GGA2: variants seen among roughly 807,000 people sequenced by gnomAD.
GGA2 encodes golgi associated, gamma adaptin ear containing, ARF binding protein 2, also known as ADP-ribosylation factor-binding protein GGA2.
GGA2 carries 48 observed loss-of-function variants against 79.5 expected under a neutral mutation model. The observed-to-expected ratio is 0.60, with a 90% CI of 0.48 to 0.77. The LOEUF is 0.77. Among genes scored for constraint, GGA2 ranks in the 30% least tolerant of loss-of-function variants. GGA2 has a pLI of 0.00. For missense variants in GGA2, 770 were observed against 774.0 expected (o/e 0.99, Z 0.06); for synonymous variants, 317 against 302.0 (o/e 1.05, Z -0.51).
intron 2 of GGA2, among the ~76,000 whole-genome samples, chr16:23,518,053 C>T (rs991096831): frequency 1.3e-5 from 2 of 152,054 alleles, no homozygotes; most frequent in Admixed American, 1.3e-4. Flanking sequence ...GCTGGGATTA[C>T]AGGTGCGCAC....
chr16:23,513,793 AAAAAAAAGAAAG>A (rs1567373527), upstream of GGA2, among the ~76,000 whole-genome samples: 2 of 41,324 alleles, frequency 4.8e-5, no homozygotes, highest in African/African-American at 1.3e-4. Flanking sequence ...CAAAAAAAAA[AAAAAAAAGAAAG>A]AAAAAAAGAA....
At chr16:23,478,154 G>A (rs1964598310) in intron 13 of GGA2, among the ~76,000 whole-genome samples, 1 of 148,530 alleles carries the variant, frequency 6.7e-6, no homozygotes, top group African/African-American at 2.5e-5. Context: ...AGCCGAGATT[G>A]TGCCACTGCA....
upstream of GGA2, among the ~76,000 whole-genome samples, chr16:23,511,753 T>C (rs1012765934): frequency 1.3e-5 from 2 of 152,178 alleles, no homozygotes; most frequent in African/African-American, 2.4e-5. Flanking sequence ...AATTATGAAA[T>C]GAATACGTGT....
chr16:23,502,011 T>C (rs1242512733), intron 1 of GGA2, among the ~76,000 whole-genome samples: 7 of 152,172 alleles, frequency 4.6e-5, no homozygotes, highest in Non-Finnish European at 8.8e-5. Context: ...GTGCCAGTGA[T>C]GTCCACAGTC....
rs1567365721 is a variant in GGA2 at position 23,491,695 on chromosome 16, G to A, written c.457C>T (p.Gln153Ter). ...PEDIKIRDAY[Q>*]MLKKQGIIKQ... Reference sequence around the variant, plus strand: ...GTCAGACCTTGTTTCTTCAGCATCTGATAAGCGTCTCGAATCTTGATGTCT... The same window carrying A: ...GTCAGACCTTGTTTCTTCAGCATCTAATAAGCGTCTCGAATCTTGATGTCT... Residue 153 changes from glutamine to a stop codon, truncating the protein, a stop_gained, in exon 5 of 17, where the codon CAG becomes TAG. Coordinates refer to ENST00000309859, the MANE Select transcript of GGA2 (RefSeq NM_015044.4). LOFTEE classifies it high-confidence loss of function. 5 of 1,612,830 alleles carry A rather than the reference G, an allele frequency of 3.1e-6. No homozygotes were observed. The highest frequency in any genetic ancestry group is 4.2e-6 in the Non-Finnish European group (5 of 1,178,916).
rs894103847 is a variant in GGA2, at chr16:23,466,189, G to A, written c.*1401C>T. 3.9e-5 allele frequency: 6 copies of A among 152,106 alleles called. No homozygotes were observed. Among genetic ancestry groups the A allele is most frequent in the Admixed American group, 2.6e-4 (4 of 15,258 alleles). 9.4% of individuals were successfully genotyped at this position (152,106 alleles called of 1,614,324 possible). On this transcript the variant is annotated 3_prime_UTR_variant, in exon 17 of 17. Transcript: ENST00000309859. ...AAAATATCAGATATTGTAATTAAGA[G>A]CTCCAAACAAGTCTTGCAGTTTCAA...
intron 1 of GGA2, among the ~76,000 whole-genome samples, chr16:23,496,302 CAAAAAAAAAAA>C (rs754859869): frequency 8.4e-5 from 3 of 35,868 alleles, no homozygotes; most frequent in African/African-American, 3.1e-4. Context: ...GACTCTGTCT[CAAAAAAAAAAA>C]AAAAAAAAAA....
chr16:23,493,535 G>T, intron 3 of GGA2, 77 bp from the exon 4 acceptor site: 1 of 917,834 alleles, frequency 1.1e-6, no homozygotes, highest in Non-Finnish European at 1.8e-6. Flanking sequence ...GTAATCACTT[G>T]CTGGAGACTG....
chr16:23,500,457 G>A (rs970820013), intron 1 of GGA2, among the ~76,000 whole-genome samples: 5 of 152,174 alleles, frequency 3.3e-5, no homozygotes, highest in African/African-American at 1.2e-4. Context: ...AGAGGTGCAG[G>A]CCAAGGCAGA....
At chr16:23,508,483 C>G (rs1306963449) in intron 1 of GGA2, among the ~76,000 whole-genome samples, 1 of 152,156 alleles carries the variant, frequency 6.6e-6, no homozygotes, top group Non-Finnish European at 1.5e-5. Flanking sequence ...TTACCAAATT[C>G]AAAGTTCTCT....
chr16:23,503,706 A>G (rs1964944068), intron 1 of GGA2, among the ~76,000 whole-genome samples: 1 of 152,272 alleles, frequency 6.6e-6, no homozygotes, highest in South Asian at 2.1e-4. Context: ...TGCATACTGA[A>G]TAAAAGGAAA....
intron 2 of GGA2, among the ~76,000 whole-genome samples, chr16:23,516,736 A>C (rs1014332556): frequency 3.3e-5 from 5 of 152,032 alleles, no homozygotes; most frequent in African/African-American, 9.7e-5. Context: ...GACTCCCTTC[A>C]TCTCCAGCTC....
chr16:23,517,053 C>G (rs1965107364), intron 2 of GGA2, among the ~76,000 whole-genome samples: 2 of 152,144 alleles, frequency 1.3e-5, no homozygotes, highest in South Asian at 4.1e-4. Context: ...GAACTTCCTG[C>G]TAAGTACGAT....
chr16:23,467,506 A>G lies in GGA2; in HGVS notation c.*84T>C. ...CAGGATAGGACTCTTGGCACTCCGC[A>G]CTGAAACACCGTGATTAGTCCTGAC... On this transcript the variant is annotated 3_prime_UTR_variant, in exon 17 of 17. Transcript: ENST00000309859. 2.7e-6 allele frequency: 2 copies of G among 740,370 alleles called. No individual in the cohort carries two copies. Among genetic ancestry groups the G allele is most frequent in the Admixed American group, 2.0e-5 (1 of 49,754 alleles). 45.9% of individuals were successfully genotyped at this position (740,370 alleles called of 1,614,324 possible). A position where few individuals can be genotyped will look rare whatever the true frequency, so the allele number is the denominator to read the frequency against.
chr16:23,468,197 T>C (rs1444363070), intron 16 of GGA2, among the ~76,000 whole-genome samples: 1 of 151,480 alleles, frequency 6.6e-6, no homozygotes, highest in Non-Finnish European at 1.5e-5. Flanking sequence ...ATCTATCTAT[T>C]TGATAGAGTC....
chr16:23,510,350 C>A lies in GGA2; in HGVS notation c.62G>T (p.Gly21Val), dbSNP rs1321811752. 3.5e-6 allele frequency: 5 copies of A among 1,436,414 alleles called. No individual in the cohort carries two copies. The highest frequency in any genetic ancestry group is 4.6e-6 in the Non-Finnish European group (5 of 1,095,456). The allele number at this position is 1,436,414 out of a possible 1,614,324, so 89.0% of individuals were successfully genotyped here. A position where few individuals can be genotyped will look rare whatever the true frequency, so the allele number is the denominator to read the frequency against. Residue 21 changes from glycine to valine, a missense_variant, in exon 1 of 17, where the codon GGC becomes GTC. Transcript: ENST00000309859. ...CCACAGCTCCAGCGACGCTGCCGGGCCCGGGGGACCCTGGGCCGACTCGGT... is the reference window on the plus strand; with the variant it reads ...CCACAGCTCCAGCGACGCTGCCGGGACCGGGGGACCCTGGGCCGACTCGGT... ...AGTESAQGPP[G>V]PAASLELWLN...
chr16:23,501,497 A>T (rs1964921302), intron 1 of GGA2: 1 of 398,560 alleles, frequency 2.5e-6, no homozygotes, highest in Non-Finnish European at 5.1e-6. Context: ...TGCCTTGGCA[A>T]ATGACCGTGA....
chr16:23,514,211 T>G (rs183308377), upstream of GGA2, among the ~76,000 whole-genome samples: 20 of 152,124 alleles, frequency 1.3e-4, no homozygotes, highest in Non-Finnish European at 2.9e-5. Flanking sequence ...GTTCAATTGA[T>G]TCTCTTGCCT....
At chr16:23,491,046 T>C (rs148816426) in intron 5 of GGA2, among the ~76,000 whole-genome samples, 1 of 151,934 alleles carries the variant, frequency 6.6e-6, no homozygotes, top group East Asian at 1.9e-4. Flanking sequence ...ATACAAATAT[T>C]TGGTGTAAGT....
Sources: allele counts gnomAD v4.1 joint callset (sites outside exome capture counted in the v4.1 genomes callset), GRCh38; gene constraint gnomAD v4.1.1; transcripts MANE v1.5; gene names NCBI Gene and HGNC (gene_info 2026-07-23, HGNC 2026-07-21).